SLC35F1: variants seen among roughly 807,000 people sequenced by gnomAD.
The protein encoded by SLC35F1 is solute carrier family 35 member F1, also known as chromosome 6 open reading frame 169.
Under a neutral mutation model 48.7 loss-of-function variants are expected in SLC35F1, and 14 were observed. The observed-to-expected ratio is 0.29, with a 90% confidence interval of 0.19 to 0.45. SLC35F1 has a LOEUF of 0.45. Among genes scored for constraint, SLC35F1 ranks in the 20% least tolerant of loss-of-function variants. SLC35F1 has a pLI of 1.00. For missense variants in SLC35F1, 404 were observed against 500.0 expected, an observed-to-expected ratio of 0.81 and a Z score of 1.83; for synonymous variants, 190 against 202.2, an observed-to-expected ratio of 0.94 and a Z score of 0.51.
intron 1 of SLC35F1, among the ~76,000 whole-genome samples, chr6:117,948,285 C>A (rs1265009506): frequency 6.6e-6 from 1 of 152,096 alleles, no homozygotes; most frequent in African/African-American, 2.4e-5. Context: ...ATTCTAATTT[C>A]TTTGGATTTG....
At chr6:118,281,682 T>C (rs939404246) in intron 6 of SLC35F1, among the ~76,000 whole-genome samples, 6 of 152,190 alleles carry the variant, frequency 3.9e-5, no homozygotes, top group Non-Finnish European at 8.8e-5. Context: ...TGTATTTCCC[T>C]AGCTCTTGGG....
intron 1 of SLC35F1, among the ~76,000 whole-genome samples, chr6:118,112,717 A>T (rs1033372332): frequency 6.6e-6 from 1 of 152,224 alleles, no homozygotes; most frequent in Non-Finnish European, 1.5e-5. Context: ...TTTTAAAAAA[A>T]TATAATTGAT....
chr6:118,241,764 G>A (rs1775444488), intron 3 of SLC35F1, among the ~76,000 whole-genome samples: 2 of 152,034 alleles, frequency 1.3e-5, no homozygotes, highest in East Asian at 1.9e-4. Flanking sequence ...CCACTAATCT[G>A]TTCTTCATCT....
intron 4 of SLC35F1, among the ~76,000 whole-genome samples, chr6:118,272,268 G>A (rs2114626889): frequency 6.6e-6 from 1 of 152,304 alleles, no homozygotes; most frequent in East Asian, 1.9e-4. Context: ...AACAGACAAG[G>A]AGTGGAGTAT....
intron 1 of SLC35F1, among the ~76,000 whole-genome samples, chr6:117,961,347 C>A (rs2114835392): frequency 6.6e-6 from 1 of 152,282 alleles, no homozygotes; most frequent in Middle Eastern, 3.4e-3. Flanking sequence ...ACACCAAGAC[C>A]CCTGGTCATC....
chr6:118,052,206 C>A lies in SLC35F1; in HGVS notation c.174-102239C>A, dbSNP rs148994833. Among the ~76,000 whole-genome samples the A allele has an allele frequency of 2.1e-3, 326 of 152,182 alleles. 2 individuals carry two copies. Among genetic ancestry groups the A allele is most frequent in the African/African-American group, 7.6e-3 (315 of 41,548 alleles). ...TTCCCAACCCCTCCTTGCCTAAAAC[C>A]ATTTGGTAGTAAACACCATCTGTAA... is the stretch of plus-strand genomic sequence containing the variant. On this transcript the variant is annotated intron_variant, in intron 1 of 7. Coordinates refer to ENST00000360388, the MANE Select transcript of SLC35F1 (RefSeq NM_001029858.4).
intron 1 of SLC35F1, among the ~76,000 whole-genome samples, chr6:117,954,319 A>T (rs1776399677): frequency 6.6e-6 from 1 of 151,918 alleles, no homozygotes; most frequent in Admixed American, 6.6e-5. Flanking sequence ...GCAATGGTGC[A>T]ATCTCGGCTC....
chr6:118,067,466 G>T (rs1279578666), intron 1 of SLC35F1, among the ~76,000 whole-genome samples: 2 of 152,140 alleles, frequency 1.3e-5, no homozygotes, highest in South Asian at 4.1e-4. Context: ...CCACAAGAAA[G>T]CCCCATACAT....
chr6:118,090,618 A>T (rs1480561573), intron 1 of SLC35F1, among the ~76,000 whole-genome samples: 1 of 152,110 alleles, frequency 6.6e-6, no homozygotes, highest in African/African-American at 2.4e-5. Context: ...TGAGAAGGAG[A>T]TGAGGCTGAA....
At chr6:118,240,778 C>A (rs889642758) in intron 3 of SLC35F1, among the ~76,000 whole-genome samples, 2 of 152,154 alleles carry the variant, frequency 1.3e-5, no homozygotes, top group African/African-American at 2.4e-5. Context: ...AAGCAGACAG[C>A]GTGTTCAAGG....
rs1009300360 is a variant in SLC35F1, at chr6:117,910,789, G to A, written c.173+2890G>A. Among the ~76,000 whole-genome samples, 3 of 152,264 alleles carry A rather than the reference G, an allele frequency of 2.0e-5. No homozygotes were observed. In the East Asian group the frequency reaches 5.8e-4, roughly 29 times the overall value. On this transcript the variant is annotated intron_variant, in intron 1 of 7. Transcript: ENST00000360388. ...AGACTGTGAGCAAGCCAAGCCTGGC[G>A]AATTGCCTGCCATTGGTCACAGTCT...
At chr6:118,302,986 A>G (rs1031971409) in intron 7 of SLC35F1, among the ~76,000 whole-genome samples, 5 of 151,624 alleles carry the variant, frequency 3.3e-5, no homozygotes, top group Non-Finnish European at 5.9e-5. Flanking sequence ...TTTAGAAAAA[A>G]AAAAAAACAT....
chr6:118,212,311 C>T (rs963125252), intron 2 of SLC35F1, among the ~76,000 whole-genome samples: 7 of 152,166 alleles, frequency 4.6e-5, no homozygotes, highest in African/African-American at 1.7e-4. Flanking sequence ...AAACCAGTTC[C>T]CCTGCCTTCC....
At chr6:118,024,816 A>C (rs2114887494) in intron 1 of SLC35F1, among the ~76,000 whole-genome samples, 1 of 152,318 alleles carries the variant, frequency 6.6e-6, no homozygotes, top group South Asian at 2.1e-4. Context: ...ACCCTGGACA[A>C]AAATATGCCT....
intron 4 of SLC35F1, among the ~76,000 whole-genome samples, chr6:118,272,098 C>T (rs538175054): frequency 7.9e-5 from 12 of 152,300 alleles, no homozygotes; most frequent in Admixed American, 2.0e-4. Context: ...TCAGTCAGCT[C>T]AATTCATGTA....
intron 1 of SLC35F1, among the ~76,000 whole-genome samples, chr6:118,014,052 A>C (rs1217650452): frequency 6.6e-6 from 1 of 152,232 alleles, no homozygotes; most frequent in Non-Finnish European, 1.5e-5. Context: ...CAGCTTTTGC[A>C]TCAGACTTGC....
At chr6:117,984,300 A>G (rs1776820187) in intron 1 of SLC35F1, among the ~76,000 whole-genome samples, 1 of 152,090 alleles carries the variant, frequency 6.6e-6, no homozygotes, top group African/African-American at 2.4e-5. Context: ...AGGTCAGGAG[A>G]TCACCTGGCT....
chr6:118,101,130 T>G (rs1221599318), intron 1 of SLC35F1, among the ~76,000 whole-genome samples: 1 of 152,180 alleles, frequency 6.6e-6, no homozygotes, highest in African/African-American at 2.4e-5. Context: ...ATTGTCTCAC[T>G]GTCACAGAAA....
chr6:118,212,768 A>AAGGAAGGG (rs1646603466), intron 2 of SLC35F1, among the ~76,000 whole-genome samples: 2 of 131,816 alleles, frequency 1.5e-5, no homozygotes, highest in Non-Finnish European at 3.3e-5. Context: ...GGAAGGAAGG[A>AAGGAAGGG]AGGAAGGAAG....
Sources: gnomAD v4.1 joint callset for allele counts (sites outside exome capture counted in the v4.1 genomes callset) on GRCh38, gnomAD v4.1.1 for gene constraint, MANE v1.5 for transcripts, NCBI Gene and HGNC (gene_info 2026-07-23, HGNC 2026-07-21) for gene names.